BEND6: variants seen among roughly 807,000 people sequenced by gnomAD.
BEND6 encodes the protein BEN domain-containing protein 6.
BEND6 carries 24 observed loss-of-function variants against 31.8 expected under a neutral mutation model. The ratio of observed to expected loss-of-function variants is 0.75; its 90% confidence interval spans 0.55 to 1.06. The LOEUF (loss-of-function observed/expected upper bound fraction) is 1.06. Among genes scored for constraint, BEND6 ranks in the 50% least tolerant of loss-of-function variants. The pLI is 0.00. For synonymous variants in BEND6, 109 were observed against 114.6 expected, an observed-to-expected ratio of 0.95 and a Z score of 0.31; for missense variants, 294 against 327.4, an observed-to-expected ratio of 0.90 and a Z score of 0.79.
intron 3 of BEND6, chr6:57,009,449 A>G (rs560193444): frequency 1.3e-5 from 2 of 152,328 alleles, no homozygotes; most frequent in South Asian, 4.1e-4. Context: ...ATTTTCTAAT[A>G]TGGTTCCCTG....
intron 2 of BEND6, among the ~76,000 whole-genome samples, chr6:56,991,428 G>T (rs755945591): frequency 6.6e-6 from 1 of 151,658 alleles, no homozygotes; most frequent in Non-Finnish European, 1.5e-5. Flanking sequence ...AGGGTGGAGC[G>T]CAGTGGTACC....
chr6:56,959,294 T>G (rs917312916), intron 1 of BEND6, among the ~76,000 whole-genome samples: 2 of 152,216 alleles, frequency 1.3e-5, no homozygotes, highest in Admixed American at 6.5e-5. Flanking sequence ...GTACTCAGAC[T>G]TGAAAAATGA....
intron 3 of BEND6, among the ~76,000 whole-genome samples, chr6:56,995,262 C>T (rs1055115451): frequency 3.3e-5 from 5 of 151,698 alleles, no homozygotes; most frequent in Non-Finnish European, 7.4e-5. Context: ...AGACCATTTG[C>T]TTCTCTACCT....
At chr6:56,983,254 C>G (rs75622343) in intron 2 of BEND6, among the ~76,000 whole-genome samples, 17,989 of 152,126 alleles carry the variant, frequency 0.12, 1,373 homozygotes, top group Middle Eastern at 0.2. Flanking sequence ...TATAGTGAAG[C>G]AAATTAACAT....
At chr6:57,016,703 CCTT>C (rs1480551277) in intron 4 of BEND6, among the ~76,000 whole-genome samples, 1 of 152,180 alleles carries the variant, frequency 6.6e-6, no homozygotes. Flanking sequence ...CCTTCTGCTT[CCTT>C]CTTCTGCTTT....
At chr6:56,959,889 T>A (rs1825228034) in intron 1 of BEND6, among the ~76,000 whole-genome samples, 1 of 152,200 alleles carries the variant, frequency 6.6e-6, no homozygotes, top group Non-Finnish European at 1.5e-5. Context: ...TTTGTTGTTC[T>A]ATGGGTTACC....
At chr6:56,992,322 A>G in intron 2 of BEND6, 56 bp from the exon 3 acceptor site, 1 of 1,507,366 alleles carries the variant, frequency 6.6e-7, no homozygotes, top group Non-Finnish European at 8.9e-7. Context: ...TTAACCAGAG[A>G]TAAACCATTA....
In BEND6 at chr6:56,987,726, A is replaced by G. The variant is rs77780343; in HGVS notation, c.121-4652A>G. ...TTACTGGGCAGTAGAGGCTTTCTTT[A>G]TGTTATACCTTTGCTTCTTCTACTC... On this transcript the variant is annotated intron_variant, in intron 2 of 6. Coordinates refer to ENST00000370746, the MANE Select transcript of BEND6 (RefSeq NM_152731.3). Among the ~76,000 whole-genome samples, 1,404 of 152,170 alleles carry G rather than the reference A, an allele frequency of 9.2e-3. 21 individuals carry two copies. Among genetic ancestry groups the G allele is most frequent in the African/African-American group, 0.032 (1,319 of 41,504 alleles).
chr6:57,023,805 A>G (rs1827823755), intron 6 of BEND6, among the ~76,000 whole-genome samples: 2 of 152,138 alleles, frequency 1.3e-5, no homozygotes, highest in Non-Finnish European at 2.9e-5. Context: ...GCCTAGGCTC[A>G]GTGTTATTAT....
intron 1 of BEND6, chr6:56,975,652 C>G: frequency 2.5e-6 from 1 of 396,164 alleles, no homozygotes; most frequent in Non-Finnish European, 5.0e-6. Context: ...AAACTCTAGC[C>G]GTGAAAAAAC....
At chr6:57,015,866 G>A (rs920731362) in intron 4 of BEND6, among the ~76,000 whole-genome samples, 2 of 151,800 alleles carry the variant, frequency 1.3e-5, no homozygotes, top group Admixed American at 1.3e-4. Flanking sequence ...TGAGGAAAGG[G>A]AAGGCAGGGC....
intron 3 of BEND6, 70 bp from the exon 4 acceptor site, chr6:57,015,063 C>G: frequency 1.5e-6 from 2 of 1,363,922 alleles, no homozygotes; most frequent in South Asian, 2.7e-5. Flanking sequence ...ATACACTCAA[C>G]AAAAAAATAT....
intron 5 of BEND6, among the ~76,000 whole-genome samples, chr6:57,018,107 G>C (rs1827626190): frequency 6.6e-6 from 1 of 152,226 alleles, no homozygotes; most frequent in Admixed American, 6.5e-5. Flanking sequence ...TTCAATTAAT[G>C]TTGGAAATGG....
intron 1 of BEND6, among the ~76,000 whole-genome samples, chr6:56,966,924 C>G (rs1436047934): frequency 6.6e-6 from 1 of 152,110 alleles, no homozygotes; most frequent in Non-Finnish European, 1.5e-5. Context: ...AAAATAAACC[C>G]CTTTGCCACT....
rs114333032 is a variant in BEND6 at position 57,012,156 on chromosome 6, G to A, written c.299-2977G>A. ...AGTAAATAAATAAATAAGTTACAGAGCATGAATATATTGGATATTAGGGAA... is the reference window on the plus strand; with the variant it reads ...AGTAAATAAATAAATAAGTTACAGAACATGAATATATTGGATATTAGGGAA... On this transcript the variant is annotated intron_variant, in intron 3 of 6. Coordinates refer to ENST00000370746, the MANE Select transcript of BEND6 (RefSeq NM_152731.3). Among the ~76,000 whole-genome samples, 704 of 152,170 alleles carry A rather than the reference G, an allele frequency of 4.6e-3. 6 individuals carry two copies. The highest frequency in any genetic ancestry group is 0.016 in the African/African-American group (676 of 41,528).
intron 3 of BEND6, among the ~76,000 whole-genome samples, chr6:57,002,722 A>C (rs374354266): frequency 3.9e-5 from 6 of 152,184 alleles, no homozygotes; most frequent in African/African-American, 1.4e-4. Context: ...TAGTGTTAAG[A>C]GAAAAGTTTA....
At chr6:56,971,679 G>A (rs1197875053) in intron 1 of BEND6, among the ~76,000 whole-genome samples, 1 of 152,064 alleles carries the variant, frequency 6.6e-6, no homozygotes, top group African/African-American at 2.4e-5. Context: ...CTATGAAGTA[G>A]TTTCTCCTTG....
chr6:56,992,272 G>C, intron 2 of BEND6, 106 bp from the exon 3 acceptor site: 1 of 1,286,736 alleles, frequency 7.8e-7, no homozygotes, highest in African/African-American at 1.5e-5. Context: ...GGAAGTGCCT[G>C]TGAGAACAAG....
At chr6:57,014,626 T>G in intron 3 of BEND6, 2 of 858,412 alleles carry the variant, frequency 2.3e-6, no homozygotes, top group Non-Finnish European at 3.4e-6. Flanking sequence ...TGGCAGTGCA[T>G]TTTTAATAAT....
Sources: gnomAD v4.1 joint callset for allele counts (sites outside exome capture counted in the v4.1 genomes callset) on GRCh38, gnomAD v4.1.1 for gene constraint, MANE v1.5 for transcripts, NCBI Gene and HGNC (gene_info 2026-07-23, HGNC 2026-07-21) for gene names.